TEAD1: variants seen among roughly 807,000 people sequenced by gnomAD.
TEAD1 encodes the protein TEA domain transcription factor 1.
A neutral mutation model predicts 54.9 loss-of-function variants in TEAD1; 9 were observed. The observed-to-expected ratio is 0.16, with a 90% CI of 0.10 to 0.29. TEAD1 has a LOEUF of 0.29. Ranked by LOEUF, TEAD1 falls within the 10% of genes least tolerant of loss-of-function variation. TEAD1 has a pLI of 1.00. For missense variants in TEAD1, 387 were observed against 535.9 expected (o/e 0.72, Z 2.74); for synonymous variants, 200 against 187.8 (o/e 1.07, Z -0.53).
intron 3 of TEAD1, among the ~76,000 whole-genome samples, chr11:12,842,340 A>G (rs530311802): frequency 6.6e-6 from 1 of 152,272 alleles, no homozygotes; most frequent in South Asian, 2.1e-4. Context: ...GCTTAAAAGT[A>G]TGTTTGGTTT....
At position 12,848,116 on chromosome 11, in the gene TEAD1, A is replaced by C. The variant is rs73427626; in HGVS notation, c.203-14134A>C. On this transcript the variant is annotated intron_variant, in intron 3 of 12. Coordinates refer to ENST00000527636, the MANE Select transcript of TEAD1 (RefSeq NM_021961.6). ...CCTTCCTGAGTACATCTATCCATCTAATCGTTCCGTCTTTGATTACCATTG... is the reference window on the plus strand; with the variant it reads ...CCTTCCTGAGTACATCTATCCATCTCATCGTTCCGTCTTTGATTACCATTG... 3.9e-3 allele frequency among the ~76,000 whole-genome samples: 590 copies of C among 152,250 alleles called. 6 individuals carry two copies. Among genetic ancestry groups the C allele is most frequent in the African/African-American group, 0.013 (540 of 41,546 alleles).
In TEAD1 at chr11:12,693,328, G is replaced by C. The variant is rs540161573; in HGVS notation, c.-55+17767G>C. Among the ~76,000 whole-genome samples the C allele has an allele frequency of 9.3e-4, 142 of 152,312 alleles. No individual in the cohort carries two copies. In the Middle Eastern group the frequency reaches 0.01, roughly 11 times the overall value. ...AGCAGAGGATGATTTAAGAGAATGA[G>C]TTCCAATGCGAGTCCTTTATTACCC... is the stretch of plus-strand genomic sequence containing the variant. On this transcript the variant is annotated intron_variant, in intron 2 of 12. Transcript: ENST00000527636.
Position 12,942,835 on chromosome 11 carries a change from A to G in TEAD1, c.*5613A>G, listed in dbSNP as rs1447847473. On this transcript the variant is annotated 3_prime_UTR_variant, in exon 13 of 13. Coordinates refer to ENST00000527636, the MANE Select transcript of TEAD1 (RefSeq NM_021961.6). ...AAACTTCCAAAGAGCACCATTCACA[A>G]TTTGGCATTTTCAAAGAATGTTCCA... The G allele has an allele frequency of 1.3e-5, 2 of 152,168 alleles. No homozygotes were observed. The highest frequency in any genetic ancestry group is 4.8e-5 in the African/African-American group (2 of 41,442). 9.4% of individuals were successfully genotyped at this position (152,168 alleles called of 1,614,324 possible). A position where few individuals can be genotyped will look rare whatever the true frequency, so the allele number is the denominator to read the frequency against.
chr11:12,764,385 A>G lies in TEAD1; in HGVS notation c.153A>G (p.Pro51=), dbSNP rs773434666. ...TTCAGGAGGCCCTGGCTATCTATCC[A>G]CCATGTGGGAGGAGGAAAATCATCT... Residue 51 remains proline, a synonymous_variant, in exon 3 of 13, where the codon CCA becomes CCG. Coordinates refer to ENST00000527636, the MANE Select transcript of TEAD1 (RefSeq NM_021961.6). 4.3e-6 allele frequency: 7 copies of G among 1,614,190 alleles called. No individual in the cohort carries two copies. Among genetic ancestry groups the G allele is most frequent in the Non-Finnish European group, 8.5e-7 (1 of 1,180,022 alleles).
intron 3 of TEAD1, among the ~76,000 whole-genome samples, chr11:12,825,909 A>G (rs1946642909): frequency 6.6e-6 from 1 of 152,244 alleles, no homozygotes; most frequent in African/African-American, 2.4e-5. Context: ...AAGCAATTCA[A>G]AAGCAATTCA....
chr11:12,839,387 G>A (rs752885859), intron 3 of TEAD1, among the ~76,000 whole-genome samples: 12 of 152,130 alleles, frequency 7.9e-5, no homozygotes, highest in Non-Finnish European at 8.8e-5. Context: ...CTCCAGCCTC[G>A]GTGACAGAGT....
rs115917031 is a variant in TEAD1 at position 12,831,091 on chromosome 11, C to T, written c.203-31159C>T. On this transcript the variant is annotated intron_variant, in intron 3 of 12. Coordinates refer to ENST00000527636, the MANE Select transcript of TEAD1 (RefSeq NM_021961.6). ...CCACTGAAGCAACTGCTTTGGCAGA[C>T]GAAGCTCTCTCTGCCTGAAATTTCT... 5.2e-3 allele frequency among the ~76,000 whole-genome samples: 787 copies of T among 152,248 alleles called. 4 individuals are homozygous for T. Among genetic ancestry groups the T allele is most frequent in the African/African-American group, 0.018 (757 of 41,524 alleles).
At chr11:12,697,759 C>T (rs1295921423) in intron 2 of TEAD1, among the ~76,000 whole-genome samples, 1 of 152,160 alleles carries the variant, frequency 6.6e-6, no homozygotes, top group Non-Finnish European at 1.5e-5. Context: ...CGTGGTGGCT[C>T]ACGCCTGTAA....
intron 9 of TEAD1, among the ~76,000 whole-genome samples, chr11:12,901,139 T>C (rs1030646573): frequency 2.0e-5 from 3 of 152,242 alleles, no homozygotes; most frequent in Admixed American, 6.5e-5. Context: ...TATTCTGATG[T>C]AGCCTGGGTT....
At chr11:12,826,529 A>C (rs1474444205) in intron 3 of TEAD1, among the ~76,000 whole-genome samples, 2 of 152,212 alleles carry the variant, frequency 1.3e-5, no homozygotes, top group Non-Finnish European at 2.9e-5. Context: ...AAGTGAGAGT[A>C]ATATAACAAT....
intron 9 of TEAD1, among the ~76,000 whole-genome samples, 160 bp from the exon 10 acceptor site, chr11:12,901,780 G>A (rs993368710): frequency 1.3e-5 from 2 of 152,090 alleles, no homozygotes; most frequent in African/African-American, 4.8e-5. Flanking sequence ...AGCTATAATC[G>A]CTTTTCTAAA....
chr11:12,826,681 G>A (rs933537206), intron 3 of TEAD1, among the ~76,000 whole-genome samples: 1 of 152,158 alleles, frequency 6.6e-6, no homozygotes, highest in Non-Finnish European at 1.5e-5. Context: ...ATAGAGATAA[G>A]AAAATTCCTT....
At chr11:12,805,366 C>G (rs941150408) in intron 3 of TEAD1, among the ~76,000 whole-genome samples, 3 of 152,130 alleles carry the variant, frequency 2.0e-5, no homozygotes, top group Non-Finnish European at 4.4e-5. Context: ...GTGAGATGGG[C>G]AATTTTAACT....
At chr11:12,819,306 G>A (rs1946480996) in intron 3 of TEAD1, among the ~76,000 whole-genome samples, 1 of 149,696 alleles carries the variant, frequency 6.7e-6, no homozygotes, top group Admixed American at 6.6e-5. Context: ...ACACTTTGCT[G>A]TCTGAAATGC....
chr11:12,920,313 A>G (rs1948780895), intron 10 of TEAD1, among the ~76,000 whole-genome samples: 1 of 152,244 alleles, frequency 6.6e-6, no homozygotes, highest in South Asian at 2.1e-4. Context: ...ATCATGATGA[A>G]TAATACCATT....
intron 2 of TEAD1, among the ~76,000 whole-genome samples, chr11:12,728,423 C>T (rs1443049859): frequency 6.6e-6 from 1 of 152,160 alleles, no homozygotes; most frequent in Non-Finnish European, 1.5e-5. Flanking sequence ...GATAGCCCTC[C>T]CTGATAGAGA....
chr11:12,853,691 A>G (rs959579813), intron 3 of TEAD1, among the ~76,000 whole-genome samples: 3 of 152,200 alleles, frequency 2.0e-5, no homozygotes, highest in Non-Finnish European at 2.9e-5. Context: ...TTACTTGCTC[A>G]TCTCTTTCTG....
intron 9 of TEAD1, among the ~76,000 whole-genome samples, chr11:12,891,249 C>G (rs574681227): frequency 1.3e-5 from 2 of 152,202 alleles, no homozygotes; most frequent in Non-Finnish European, 2.9e-5. Flanking sequence ...AGTGCATATA[C>G]AATCTAATAT....
At chr11:12,789,974 G>T (rs1401907628) in intron 3 of TEAD1, among the ~76,000 whole-genome samples, 1 of 152,248 alleles carries the variant, frequency 6.6e-6, no homozygotes, top group Non-Finnish European at 1.5e-5. Context: ...TCCTTGCTCT[G>T]CTATTTAAAT....
Sources: gnomAD v4.1 joint callset for allele counts (sites outside exome capture counted in the v4.1 genomes callset) on GRCh38, gnomAD v4.1.1 for gene constraint, MANE v1.5 for transcripts, NCBI Gene and HGNC (gene_info 2026-07-23, HGNC 2026-07-21) for gene names.